Variants in GRK5 observed in about 807,000 individuals in gnomAD.
The protein encoded by GRK5 is g protein-coupled receptor kinase GRK5.
Under a neutral mutation model 78.4 loss-of-function variants are expected in GRK5, and 40 were observed. The observed-to-expected ratio is 0.51, with a 90% CI of 0.40 to 0.66. The LOEUF (loss-of-function observed/expected upper bound fraction) is 0.66. Ranked by LOEUF, GRK5 falls within the 30% of genes least tolerant of loss-of-function variation. The probability of loss-of-function intolerance (pLI) is 0.00; values close to 1 mark genes in which losing one functional copy is unlikely to be tolerated. For synonymous variants in GRK5, 289 were observed against 296.8 expected (o/e 0.97, Z 0.27); for missense variants, 598 against 759.9 (o/e 0.79, Z 2.50).
intron 2 of GRK5, among the ~76,000 whole-genome samples, chr10:119,349,951 A>T (rs1564900991): frequency 6.6e-6 from 1 of 152,140 alleles, no homozygotes; most frequent in Non-Finnish European, 1.5e-5. Context: ...AGCGCTTTTC[A>T]CACTCCCTGA....
At chr10:119,300,082 G>C (rs1292687002) in intron 1 of GRK5, among the ~76,000 whole-genome samples, 2 of 152,080 alleles carry the variant, frequency 1.3e-5, no homozygotes, top group Non-Finnish European at 1.5e-5. Context: ...CCTGCAAAAG[G>C]CTTGGTGGGG....
intron 1 of GRK5, among the ~76,000 whole-genome samples, chr10:119,269,250 A>G (rs1336114236): frequency 6.6e-6 from 1 of 152,116 alleles, no homozygotes; most frequent in Non-Finnish European, 1.5e-5. Context: ...CTTCTCTGAC[A>G]GTTAGGGTGA....
chr10:119,395,192 A>G (rs1015234789), intron 3 of GRK5, among the ~76,000 whole-genome samples: 2 of 152,190 alleles, frequency 1.3e-5, no homozygotes, highest in African/African-American at 4.8e-5. Flanking sequence ...CCACTGCCCT[A>G]TCTCCCTGTG....
At chr10:119,260,050 A>C (rs1849347639) in intron 1 of GRK5, among the ~76,000 whole-genome samples, 1 of 151,802 alleles carries the variant, frequency 6.6e-6, no homozygotes, top group African/African-American at 2.4e-5. Context: ...CCCAGACTGG[A>C]GTGCAGTGGA....
intron 1 of GRK5, among the ~76,000 whole-genome samples, chr10:119,313,056 A>ATGATGGTGGTGG (rs1297678257): frequency 8.1e-6 from 1 of 123,180 alleles, no homozygotes; most frequent in African/African-American, 3.1e-5. Context: ...GGTGGTAATG[A>ATGATGGTGGTGG]TGATGGTGGT....
chr10:119,215,139 A>C (rs1031123430), intron 1 of GRK5, among the ~76,000 whole-genome samples: 1 of 152,248 alleles, frequency 6.6e-6, no homozygotes, highest in Non-Finnish European at 1.5e-5. Flanking sequence ...TGTTCAACGT[A>C]GTAGCCACTA....
At chr10:119,394,113 GGGGTGTGTGT>G (rs1851937206) in intron 3 of GRK5, among the ~76,000 whole-genome samples, 1 of 38,698 alleles carries the variant, frequency 2.6e-5, no homozygotes, top group African/African-American at 6.4e-5. Context: ...GTCTGTGTGG[GGGGTGTGTGT>G]GTGTGTGTGG....
chr10:119,365,505 C>T (rs1851433413), intron 2 of GRK5, among the ~76,000 whole-genome samples: 1 of 152,138 alleles, frequency 6.6e-6, no homozygotes, highest in South Asian at 2.1e-4. Context: ...TTGGAAAGAC[C>T]TGAATAAGGG....
chr10:119,393,974 TGTG>T (rs1851930178), intron 3 of GRK5, among the ~76,000 whole-genome samples: 1 of 143,412 alleles, frequency 7.0e-6, no homozygotes, highest in African/African-American at 2.6e-5. Flanking sequence ...TGTGTGTAGG[TGTG>T]TGTGGGTATG....
chr10:119,316,452 C>T (rs1041519725), intron 1 of GRK5, among the ~76,000 whole-genome samples: 1 of 152,188 alleles, frequency 6.6e-6, no homozygotes, highest in Non-Finnish European at 1.5e-5. Flanking sequence ...ATGAAGAGCA[C>T]AGTCTTCACA....
At chr10:119,261,163 G>A (rs182558470) in intron 1 of GRK5, among the ~76,000 whole-genome samples, 1 of 147,486 alleles carries the variant, frequency 6.8e-6, no homozygotes. Flanking sequence ...CGGGCGGAGA[G>A]GCTCCTCACT....
rs1352594521 is a variant in GRK5 at position 119,379,665 on chromosome 10, G to A, written c.149-1150G>A. Among the ~76,000 whole-genome samples the A allele has an allele frequency of 1.3e-5, 2 of 152,070 alleles. No homozygotes were observed. The highest frequency in any genetic ancestry group is 1.9e-4 in the East Asian group (1 of 5,188). On this transcript the variant is annotated intron_variant, in intron 2 of 15. Transcript: ENST00000392870. The surrounding 1 kb of genome is among the most constrained non-coding windows in gnomAD (Gnocchi z 4.1). ...CTGTGTCCCGTGCAGCTGCAACATC[G>A]ATGGCCTAGTGTTCCGTGCTCCAGA... is the stretch of plus-strand genomic sequence containing the variant.
In GRK5 at chr10:119,443,642, C is replaced by T. The variant is rs557203104; in HGVS notation, c.1156C>T (p.Arg386Cys). The T allele has an allele frequency of 1.1e-5, 17 of 1,613,574 alleles. No individual in the cohort carries two copies. In the East Asian group the frequency reaches 2.2e-4, roughly 21 times the overall value. ...YEMIEGQSPF[R>C]GRKEKVKREE... ...GATGATCGAGGGCCAGTCGCCGTTC[C>T]GCGGCCGCAAGGAGAAGGTGAAGCG... The change falls in exon 12 of 16, where the codon CGC becomes TGC. Residue 386 changes from arginine (R) to cysteine (C), a missense_variant. Coordinates refer to ENST00000392870, the MANE Select transcript of GRK5 (RefSeq NM_005308.3).
chr10:119,275,615 A>T (rs11198854), intron 1 of GRK5, among the ~76,000 whole-genome samples: 355 of 83,884 alleles, frequency 4.2e-3, no homozygotes, highest in African/African-American at 0.013. Context: ...TCTCTCTCGC[A>T]CACACACACA....
At chr10:119,280,419 C>A (rs1181609069) in intron 1 of GRK5, among the ~76,000 whole-genome samples, 1 of 152,186 alleles carries the variant, frequency 6.6e-6, no homozygotes, top group Non-Finnish European at 1.5e-5. Flanking sequence ...GGCTCTCCAG[C>A]CAGCAAGGCC....
intron 1 of GRK5, among the ~76,000 whole-genome samples, chr10:119,242,672 TG>T (rs1849045901): frequency 6.6e-6 from 1 of 152,078 alleles, no homozygotes; most frequent in East Asian, 1.9e-4. Context: ...ATCATGGGGA[TG>T]GTTTCCACCT....
At chr10:119,436,618 A>C (rs770439360) in intron 8 of GRK5, 33 bp from the exon 9 acceptor site, 1 of 1,608,154 alleles carries the variant, frequency 6.2e-7, no homozygotes, top group East Asian at 2.2e-5. Flanking sequence ...CCATTGTCAC[A>C]ACCTCCCCAT....
intron 12 of GRK5, among the ~76,000 whole-genome samples, chr10:119,447,517 GA>G (rs753573978): frequency 6.6e-6 from 1 of 152,110 alleles, no homozygotes; most frequent in African/African-American, 2.4e-5. Context: ...CCCACACCTT[GA>G]AAGCCTATTT....
At chr10:119,444,652 G>A (rs1039256867) in intron 12 of GRK5, among the ~76,000 whole-genome samples, 2 of 152,140 alleles carry the variant, frequency 1.3e-5, no homozygotes, top group African/African-American at 4.8e-5. Context: ...GGAGGGGCCG[G>A]AGCACCCAGC....
Sources: allele counts gnomAD v4.1 joint callset (sites outside exome capture counted in the v4.1 genomes callset), GRCh38; gene constraint gnomAD v4.1.1; non-coding constraint Gnocchi (gnomAD v3.1); transcripts MANE v1.5; gene names NCBI Gene and HGNC (gene_info 2026-07-23, HGNC 2026-07-21).